The following RTF1 variants were observed in gnomAD, a reference collection of about 807,000 sequenced individuals.
The protein encoded by RTF1 is RTF1 homolog, Paf1/RNA polymerase II complex component.
In RTF1, 10 loss-of-function variants were observed where a neutral mutation model predicts 95.7. The ratio of observed to expected loss-of-function variants is 0.10; its 90% CI spans 0.06 to 0.18. RTF1 has a LOEUF of 0.18. Ranked by LOEUF, RTF1 falls within the 10% of genes least tolerant of loss-of-function variation. The pLI is 1.00. For synonymous variants in RTF1, 305 were observed against 311.8 expected, an observed-to-expected ratio of 0.98 and a Z score of 0.23; for missense variants, 458 against 875.6, an observed-to-expected ratio of 0.52 and a Z score of 6.02.
rs1434183694 is a variant in RTF1 at position 41,474,560 on chromosome 15, G to T, written c.1204-60G>T. 6.9e-6 allele frequency: 8 copies of T among 1,154,508 alleles called. No individual in the cohort carries two copies. In the East Asian group the frequency reaches 1.6e-4, roughly 24 times the overall value. 71.5% of individuals were successfully genotyped at this position (1,154,508 alleles called of 1,614,324 possible). A position where few individuals can be genotyped will look rare whatever the true frequency, so the allele number is the denominator to read the frequency against. On this transcript the variant is annotated intron_variant, in intron 8 of 17. Transcript: ENST00000389629. ...TCAGGTAGAGAGACGCAAAGGAAGA[G>T]TGTTGTGGAAAGCTCCGGAAGAGTC...
intron 1 of RTF1, among the ~76,000 whole-genome samples, chr15:41,426,345 G>C (rs558991191): frequency 6.6e-6 from 1 of 150,640 alleles, no homozygotes; most frequent in East Asian, 2.0e-4. Flanking sequence ...TCGCTCTGTC[G>C]CCCAGGGTGG....
At chr15:41,434,137 G>A (rs1406468296) in intron 1 of RTF1, among the ~76,000 whole-genome samples, 2 of 144,606 alleles carry the variant, frequency 1.4e-5, no homozygotes, top group Non-Finnish European at 3.0e-5. Flanking sequence ...GAGCCACCAC[G>A]CCTGGCCTTT....
At chr15:41,436,287 T>TAAA (rs746306495) in intron 1 of RTF1, among the ~76,000 whole-genome samples, 2 of 95,200 alleles carry the variant, frequency 2.1e-5, no homozygotes, top group African/African-American at 4.1e-5. Flanking sequence ...CCGTCTCTAC[T>TAAA]AAAAAAAAAA....
intron 2 of RTF1, among the ~76,000 whole-genome samples, chr15:41,442,328 T>C (rs1466092526): frequency 2.6e-5 from 4 of 151,756 alleles, no homozygotes; most frequent in Non-Finnish European, 5.9e-5. Context: ...CCACCACGCC[T>C]GGCTAATTTT....
intron 8 of RTF1, among the ~76,000 whole-genome samples, chr15:41,472,421 G>A (rs1301734198): frequency 6.6e-6 from 1 of 151,944 alleles, no homozygotes; most frequent in Non-Finnish European, 1.5e-5. Context: ...TGGCCAGGCT[G>A]GTCTTGAACT....
At chr15:41,418,666 G>T (rs2050584026) in intron 1 of RTF1, among the ~76,000 whole-genome samples, 2 of 151,754 alleles carry the variant, frequency 1.3e-5, no homozygotes, top group Admixed American at 1.3e-4. Flanking sequence ...CAAAATTAGC[G>T]GGGCGTGGTG....
chr15:41,439,896 C>T (rs1424788581), intron 2 of RTF1, among the ~76,000 whole-genome samples: 1 of 152,130 alleles, frequency 6.6e-6, no homozygotes, highest in Non-Finnish European at 1.5e-5. Flanking sequence ...AGATGATCCA[C>T]CTGCCTTGGC....
intron 1 of RTF1, among the ~76,000 whole-genome samples, chr15:41,426,061 T>G (rs1369326125): frequency 6.6e-6 from 1 of 152,006 alleles, no homozygotes; most frequent in African/African-American, 2.4e-5. Flanking sequence ...GGTGGGAGGA[T>G]TGCTTGAGCT....
intron 10 of RTF1, 27 bp from the exon 11 acceptor site, chr15:41,475,685 T>A (rs552066769): frequency 6.3e-7 from 1 of 1,598,950 alleles, no homozygotes; most frequent in African/African-American, 1.3e-5. Context: ...CCCTTACTAA[T>A]AATCTCGTAT....
intron 1 of RTF1, among the ~76,000 whole-genome samples, chr15:41,422,180 G>A (rs967594482): frequency 2.6e-5 from 4 of 151,872 alleles, no homozygotes; most frequent in Admixed American, 6.6e-5. Flanking sequence ...GATTACAGGC[G>A]CCTGCCACCA....
At chr15:41,439,160 T>C (rs1438635580) in intron 2 of RTF1, among the ~76,000 whole-genome samples, 1 of 151,488 alleles carries the variant, frequency 6.6e-6, no homozygotes, top group Non-Finnish European at 1.5e-5. Context: ...GCCTACTGAC[T>C]AGCTGGGACT....
intron 8 of RTF1, among the ~76,000 whole-genome samples, chr15:41,471,688 A>G (rs2050912355): frequency 6.6e-6 from 1 of 151,916 alleles, no homozygotes; most frequent in Non-Finnish European, 1.5e-5. Context: ...AATGAATGAA[A>G]AGTTTCATGT....
chr15:41,473,019 A>G (rs1180446237), intron 8 of RTF1, among the ~76,000 whole-genome samples: 5 of 151,144 alleles, frequency 3.3e-5, no homozygotes, highest in Non-Finnish European at 7.4e-5. Context: ...GGATTTAAAA[A>G]AAAATTTTTG....
chr15:41,424,589 A>G (rs2050619264), intron 1 of RTF1, among the ~76,000 whole-genome samples: 1 of 152,246 alleles, frequency 6.6e-6, no homozygotes, highest in Non-Finnish European at 1.5e-5. Flanking sequence ...AATTGAATTG[A>G]TAGAAAACAT....
chr15:41,449,144 A>G (rs2140956686), intron 2 of RTF1, among the ~76,000 whole-genome samples: 1 of 152,004 alleles, frequency 6.6e-6, no homozygotes, highest in Non-Finnish European at 1.5e-5. Context: ...TCGGCCTCCC[A>G]AAGTGCTAGG....
chr15:41,458,480 C>T (rs1203596577), intron 4 of RTF1, among the ~76,000 whole-genome samples: 1 of 152,150 alleles, frequency 6.6e-6, no homozygotes, highest in Admixed American at 6.6e-5. Context: ...CTACAGGCAG[C>T]ATTCTAAAGG....
chr15:41,441,380 C>A (rs1202419525), intron 2 of RTF1, among the ~76,000 whole-genome samples: 1 of 152,168 alleles, frequency 6.6e-6, no homozygotes, highest in Admixed American at 6.6e-5. Flanking sequence ...TGTGTTATGC[C>A]TGGAATACCC....
At chr15:41,427,849 C>T (rs1243610877) in intron 1 of RTF1, among the ~76,000 whole-genome samples, 1 of 151,050 alleles carries the variant, frequency 6.6e-6, no homozygotes, top group East Asian at 2.0e-4. Context: ...TGCAGTGGGG[C>T]AATCTCAGCT....
At chr15:41,436,475 A>T (rs1330669261) in intron 1 of RTF1, among the ~76,000 whole-genome samples, 1 of 148,542 alleles carries the variant, frequency 6.7e-6, no homozygotes, top group Non-Finnish European at 1.5e-5. Context: ...AAAAAAAAAA[A>T]TTGCCAGGCG....
Sources: allele counts gnomAD v4.1 joint callset (sites outside exome capture counted in the v4.1 genomes callset), GRCh38; gene constraint gnomAD v4.1.1; transcripts MANE v1.5; gene names NCBI Gene and HGNC (gene_info 2026-07-23, HGNC 2026-07-21).